Variants in LRRTM4 observed in about 807,000 individuals in gnomAD.
LRRTM4 encodes the protein leucine rich repeat transmembrane neuronal 4.
Under a neutral mutation model 47.6 loss-of-function variants are expected in LRRTM4, and 25 were observed. That is an observed-to-expected ratio of 0.53 (90% CI 0.38 to 0.73). The LOEUF is 0.73. LRRTM4 is among the 30% of genes least tolerant of loss of function. LRRTM4 has a pLI of 0.00. For synonymous variants in LRRTM4, 311 were observed against 269.5 expected (o/e 1.15, Z -1.51); for missense variants, 638 against 713.4 (o/e 0.89, Z 1.20).
chr2:76,807,945 CTTTCTTTCTT>C (rs920151874), intron 3 of LRRTM4, among the ~76,000 whole-genome samples: 5 of 131,688 alleles, frequency 3.8e-5, no homozygotes, highest in South Asian at 5.4e-4. Context: ...TTCTTTCTTT[CTTTCTTTCTT>C]TTTCTTTTTC....
chr2:77,017,937 G>C (rs35458070), intron 3 of LRRTM4, among the ~76,000 whole-genome samples: 34,005 of 151,678 alleles, frequency 0.22, 4,275 homozygotes, highest in East Asian at 0.41. Context: ...GAGATAAGAT[G>C]TGAACAAATA....
At chr2:77,162,144 T>A (rs1672746893) in intron 3 of LRRTM4, among the ~76,000 whole-genome samples, 1 of 152,154 alleles carries the variant, frequency 6.6e-6, no homozygotes, top group African/African-American at 2.4e-5. Context: ...TTTCCAATGG[T>A]CTTAGCAAAT....
chr2:76,974,163 TATATACATAC>T (rs1676320554), intron 3 of LRRTM4, among the ~76,000 whole-genome samples: 3 of 139,032 alleles, frequency 2.2e-5, no homozygotes, highest in African/African-American at 8.6e-5. Flanking sequence ...TACATATATA[TATATACATAC>T]ATATATATAC....
At chr2:76,774,185 T>A (rs189828782) in intron 3 of LRRTM4, among the ~76,000 whole-genome samples, 345 of 152,196 alleles carry the variant, frequency 2.3e-3, no homozygotes, top group Admixed American at 0.01. Flanking sequence ...GAACTTTTTT[T>A]TTTTTTATTT....
chr2:77,509,097 T>C (rs917142921), intron 3 of LRRTM4, among the ~76,000 whole-genome samples: 34 of 151,820 alleles, frequency 2.2e-4, no homozygotes, highest in African/African-American at 7.7e-4. Flanking sequence ...CCAGGCATGG[T>C]AGCACACACC....
At chr2:77,415,037 G>A (rs931044302) in intron 3 of LRRTM4, among the ~76,000 whole-genome samples, 5 of 152,170 alleles carry the variant, frequency 3.3e-5, no homozygotes, top group African/African-American at 7.2e-5. Flanking sequence ...AGATGGTAGT[G>A]ATTTAGGAAG....
intron 3 of LRRTM4, among the ~76,000 whole-genome samples, chr2:77,204,219 G>A (rs1674057799): frequency 6.6e-6 from 1 of 152,068 alleles, no homozygotes; most frequent in African/African-American, 2.4e-5. Context: ...GGTGGGCCAG[G>A]GTGAAATACT....
chr2:76,812,593 G>T (rs1451661445), intron 3 of LRRTM4, among the ~76,000 whole-genome samples: 4 of 152,068 alleles, frequency 2.6e-5, no homozygotes, highest in Non-Finnish European at 5.9e-5. Context: ...ACTTAATTCA[G>T]TATAATTATT....
chr2:76,991,033 G>T (rs1334417840), intron 3 of LRRTM4, among the ~76,000 whole-genome samples: 1 of 151,730 alleles, frequency 6.6e-6, no homozygotes, highest in African/African-American at 2.4e-5. Context: ...TAAACAACTT[G>T]CTCATGAATG....
intron 3 of LRRTM4, among the ~76,000 whole-genome samples, chr2:77,357,212 G>A (rs1000617646): frequency 2.6e-5 from 4 of 151,990 alleles, no homozygotes; most frequent in African/African-American, 7.2e-5. Flanking sequence ...GGAAGTGAAG[G>A]ATAATTTCAA....
chr2:77,003,865 G>C (rs1229025089), intron 3 of LRRTM4, among the ~76,000 whole-genome samples: 1 of 152,164 alleles, frequency 6.6e-6, no homozygotes, highest in East Asian at 1.9e-4. Flanking sequence ...GAATGGTTTT[G>C]ACCAAAAAGC....
At chr2:76,921,539 C>T (rs1324512144) in intron 3 of LRRTM4, among the ~76,000 whole-genome samples, 1 of 151,976 alleles carries the variant, frequency 6.6e-6, no homozygotes, top group East Asian at 1.9e-4. Context: ...CCTAATATAG[C>T]AGGTAGTACC....
intron 3 of LRRTM4, among the ~76,000 whole-genome samples, chr2:77,247,708 C>G (rs188383403): frequency 1.3e-5 from 2 of 152,066 alleles, no homozygotes; most frequent in Admixed American, 1.3e-4. Flanking sequence ...TTTTGAGCAA[C>G]AGAAAAATGT....
chr2:76,914,716 A>T (rs1674186411), intron 3 of LRRTM4, among the ~76,000 whole-genome samples: 1 of 152,272 alleles, frequency 6.6e-6, no homozygotes, highest in Middle Eastern at 3.4e-3. Flanking sequence ...TTCCTTTTGT[A>T]TAATTCTATT....
intron 3 of LRRTM4, among the ~76,000 whole-genome samples, chr2:77,392,199 T>C (rs1329380143): frequency 6.6e-6 from 1 of 152,018 alleles, no homozygotes; most frequent in Non-Finnish European, 1.5e-5. Context: ...ACTCAAGCTG[T>C]TTTCAACTCT....
chr2:77,483,780 A>G (rs1055364454), intron 3 of LRRTM4, among the ~76,000 whole-genome samples: 1 of 152,112 alleles, frequency 6.6e-6, no homozygotes, highest in Non-Finnish European at 1.5e-5. Flanking sequence ...TAAAAAACCA[A>G]CTTCATCTAC....
At chr2:76,796,708 G>T (rs1488409751) in intron 3 of LRRTM4, among the ~76,000 whole-genome samples, 2 of 145,532 alleles carry the variant, frequency 1.4e-5, no homozygotes, top group Admixed American at 1.4e-4. Context: ...ACAAAGACAG[G>T]GAAAAAACAG....
chr2:76,792,639 C>T (rs769443576), intron 3 of LRRTM4, among the ~76,000 whole-genome samples: 1 of 151,968 alleles, frequency 6.6e-6, no homozygotes, highest in Non-Finnish European at 1.5e-5. Context: ...TAATGTTGCT[C>T]CTGCTAATGA....
intron 3 of LRRTM4, among the ~76,000 whole-genome samples, chr2:77,380,030 G>A (rs1002350359): frequency 6.6e-6 from 1 of 152,078 alleles, no homozygotes; most frequent in Non-Finnish European, 1.5e-5. Flanking sequence ...AAGCCAGAAA[G>A]CTATGAAGGT....
Sources: gnomAD v4.1 joint callset for allele counts (sites outside exome capture counted in the v4.1 genomes callset) on GRCh38, gnomAD v4.1.1 for gene constraint, MANE v1.5 for transcripts, NCBI Gene and HGNC (gene_info 2026-07-23, HGNC 2026-07-21) for gene names.